Variants in BRWD1 observed in about 807,000 individuals in gnomAD.
The protein encoded by BRWD1 is bromodomain and WD repeat domain containing 1.
A neutral mutation model predicts 251.2 loss-of-function variants in BRWD1; 82 were observed. That is an observed-to-expected ratio of 0.33 (90% CI 0.27 to 0.39). BRWD1 has a LOEUF of 0.39. BRWD1 is among the 10% of genes least tolerant of loss of function. The pLI, the probability that BRWD1 is intolerant of heterozygous loss-of-function variation, is 1.00. For synonymous variants in BRWD1, 918 were observed against 902.8 expected (o/e 1.02, Z -0.30); for missense variants, 2,233 against 2,711.6 (o/e 0.82, Z 3.92).
chr21:39,296,003 GT>G (rs2035952564), intron 6 of BRWD1, 100 bp from the exon 7 acceptor site: 10 of 1,045,824 alleles, frequency 9.6e-6, no homozygotes, highest in East Asian at 5.6e-5. Context: ...AAAAATCTAT[GT>G]TCAAGAAGCC....
Position 39,194,597 on chromosome 21 carries a change from T to C in BRWD1, c.*1662A>G. 1 of 1,490,912 alleles carries C rather than the reference T, an allele frequency of 6.7e-7. No individual in the cohort carries two copies. The highest frequency in any genetic ancestry group is 8.9e-7 in the Non-Finnish European group (1 of 1,124,816). 92.4% of individuals were successfully genotyped at this position (1,490,912 alleles called of 1,614,324 possible). ...TAATGTCCAAAAACATCCTTCCCCA[T>C]GCATCAGAGTAGAAAGAAAATGTAC... is the stretch of plus-strand genomic sequence containing the variant. On this transcript the variant is annotated 3_prime_UTR_variant, in exon 41 of 41. Transcript: ENST00000342449.
intron 8 of BRWD1, among the ~76,000 whole-genome samples, chr21:39,281,926 A>G (rs942638138): frequency 2.7e-5 from 2 of 74,382 alleles, no homozygotes; most frequent in African/African-American, 5.0e-5. Flanking sequence ...ATATACGTAT[A>G]CATACATATA....
At position 39,187,819 on chromosome 21, in the gene BRWD1, C is replaced by G; in HGVS notation, c.*8440G>C. On this transcript the variant is annotated 3_prime_UTR_variant, in exon 41 of 41. Coordinates refer to ENST00000342449, the MANE Select transcript of BRWD1 (RefSeq NM_033656.4). ...CAGATTAAAATTCTAAAAAATAACA[C>G]AGAGTTGCTTTAAGGAACCAAAAAG... 3 of 985,234 alleles carry G rather than the reference C, an allele frequency of 3.0e-6. No homozygotes were observed. The highest frequency in any genetic ancestry group is 3.6e-6 in the Non-Finnish European group (3 of 829,868). 61.0% of individuals were successfully genotyped at this position (985,234 alleles called of 1,614,324 possible).
chr21:39,315,092 G>T (rs565270840), upstream of BRWD1: 4 of 152,234 alleles, frequency 2.6e-5, no homozygotes, highest in African/African-American at 9.6e-5. Context: ...TGCCTCCCGG[G>T]TTCCAGCGAT....
At position 39,280,140 on chromosome 21, in the gene BRWD1, C is replaced by A; in HGVS notation, c.932+8G>T. On this transcript the variant is annotated splice_region_variant and intron_variant, in intron 9 of 40. Transcript: ENST00000342449. ...AACAAAACCTGTTACATAATTAAAG[C>A]CACTTACCTAAATTTTAAGGATTCT... 1 of 1,574,712 alleles carries A rather than the reference C, an allele frequency of 6.4e-7. No homozygotes were observed. Among genetic ancestry groups the A allele is most frequent in the Middle Eastern group, 1.7e-4 (1 of 5,950 alleles).
rs530803465 is a variant in BRWD1, at chr21:39,297,258, G to A, written c.350-895C>T. On this transcript the variant is annotated intron_variant, in intron 5 of 40. Transcript: ENST00000342449. ...TCATACTAAACCTCTACTGAGCCTCGGGTGCCCCAAACTAACAGACATATT... is the reference window on the plus strand; with the variant it reads ...TCATACTAAACCTCTACTGAGCCTCAGGTGCCCCAAACTAACAGACATATT... 9 of 985,370 alleles carry A rather than the reference G, an allele frequency of 9.1e-6. No individual in the cohort carries two copies. In the Admixed American group the frequency reaches 1.8e-4, roughly 20 times the overall value. The allele number at this position is 985,370 out of a possible 1,614,324, so 61.0% of individuals were successfully genotyped here.
chr21:39,320,667 CTTTTT>C (rs35218849), intron 1 of BRWD1, among the ~76,000 whole-genome samples: 2 of 99,170 alleles, frequency 2.0e-5, no homozygotes, highest in Non-Finnish European at 3.9e-5. Flanking sequence ...AGAGTCATAT[CTTTTT>C]TTTTTTTTTT....
Position 39,213,482 on chromosome 21 carries a change from A to C in BRWD1, c.3857T>G (p.Leu1286Trp). 1.2e-6 allele frequency: 2 copies of C among 1,609,916 alleles called. No homozygotes were observed. Among genetic ancestry groups the C allele is most frequent in the Non-Finnish European group, 1.7e-6 (2 of 1,178,026 alleles). The change falls in exon 33 of 41, where the codon TTG becomes TGG. Residue 1286 changes from leucine to tryptophan, a missense_variant and splice_region_variant. By Grantham distance (61) the Leu-to-Trp change is moderately conservative. Around this residue, in one of 12 missense-constraint regions of BRWD1, gnomAD observed 167 missense variants for 183.2 expected, o/e 0.91. Transcript: ENST00000342449. ...TTATAAAATCAACAAACTTCATACCAAATCCTCAGCATTTTGCTCATCATT... is the reference window on the plus strand; with the variant it reads ...TTATAAAATCAACAAACTTCATACCCAATCCTCAGCATTTTGCTCATCATT... Reference protein sequence around the residue: ...SENDEQNAEDLDDSDLPKTSS... With the variant: ...SENDEQNAEDWDDSDLPKTSS...
intron 40 of BRWD1, among the ~76,000 whole-genome samples, chr21:39,198,134 T>C (rs1011863030): frequency 6.6e-6 from 1 of 152,226 alleles, no homozygotes; most frequent in East Asian, 1.9e-4. Context: ...ATCTTAGTTT[T>C]AGCTGTCTTC....
chr21:39,189,998 T>G lies in BRWD1; in HGVS notation c.*6261A>C. 1 of 985,396 alleles carries G rather than the reference T, an allele frequency of 1.0e-6. No individual in the cohort carries two copies. Among genetic ancestry groups the G allele is most frequent in the South Asian group, 4.7e-5 (1 of 21,286 alleles). The allele number at this position is 985,396 out of a possible 1,614,324, so 61.0% of individuals were successfully genotyped here. A position where few individuals can be genotyped will look rare whatever the true frequency, so the allele number is the denominator to read the frequency against. ...GCTTGAGGACTTGTTTTCCTGGAAG[T>G]GATTCCCTACTTGGGTATGGCAAGA... On this transcript the variant is annotated 3_prime_UTR_variant, in exon 41 of 41. Coordinates refer to ENST00000342449, the MANE Select transcript of BRWD1 (RefSeq NM_033656.4).
rs2031485559 is a variant in BRWD1 at position 39,190,301 on chromosome 21, T to A, written c.*5958A>T. On this transcript the variant is annotated 3_prime_UTR_variant, in exon 41 of 41. Coordinates refer to ENST00000342449, the MANE Select transcript of BRWD1 (RefSeq NM_033656.4). ...ATTTCATCATACAAAACTGTTTTCC[T>A]AAATTCAAAGTAAACTGCATATGGT... 2 of 984,968 alleles carry A rather than the reference T, an allele frequency of 2.0e-6. No individual in the cohort carries two copies. Among genetic ancestry groups the A allele is most frequent in the African/African-American group, 3.5e-5 (2 of 57,220 alleles). 61.0% of individuals were successfully genotyped at this position (984,968 alleles called of 1,614,324 possible).
chr21:39,270,092 A>T, intron 14 of BRWD1, 59 bp from the exon 15 acceptor site: 1 of 1,397,998 alleles, frequency 7.2e-7, no homozygotes, highest in Non-Finnish European at 9.5e-7. Flanking sequence ...TTGAAAATTT[A>T]AAAATACATA....
At position 39,192,952 on chromosome 21, in the gene BRWD1, A is replaced by C. The variant is rs2031628991; in HGVS notation, c.*3307T>G. On this transcript the variant is annotated 3_prime_UTR_variant, in exon 41 of 41. Transcript: ENST00000342449. ...CTACAAAAAAAAAAGTCTAGAAGAC[A>C]GAGGGAATGTAGTGTGCACCCCTTA... 2 of 984,478 alleles carry C rather than the reference A, an allele frequency of 2.0e-6. No individual in the cohort carries two copies. The highest frequency in any genetic ancestry group is 6.2e-5 in the Admixed American group (1 of 16,202). The allele number at this position is 984,478 out of a possible 1,614,324, so 61.0% of individuals were successfully genotyped here. A position where few individuals can be genotyped will look rare whatever the true frequency, so the allele number is the denominator to read the frequency against.
Position 39,218,167 on chromosome 21 carries a change from A to G in BRWD1, c.3644T>C (p.Val1215Ala), listed in dbSNP as rs767256109. The G allele has an allele frequency of 2.5e-6, 4 of 1,606,758 alleles. No homozygotes were observed. The East Asian group carries it at 9.0e-5, about 36-fold the overall frequency. ...TTCTACTAACCTGTAAAATCGATTA[A>G]CAAGTCTCATTCGAATTGTGTAAAG... ...TDLYTIRMRLVNRFYRRLSAL... is the reference protein window; with the variant it reads ...TDLYTIRMRLANRFYRRLSAL... The change falls in exon 31 of 41, where the codon GTT (valine) becomes GCT (alanine). Residue 1215 changes from valine to alanine, a missense_variant. Physicochemically the swap from Val to Ala is moderately conservative, Grantham distance 64. Coordinates refer to ENST00000342449, the MANE Select transcript of BRWD1 (RefSeq NM_033656.4).
At chr21:39,239,274 G>A (rs889734744) in intron 21 of BRWD1, among the ~76,000 whole-genome samples, 3 of 151,986 alleles carry the variant, frequency 2.0e-5, no homozygotes, top group African/African-American at 7.2e-5. Context: ...TGGACACATA[G>A]ATTTTGCCCT....
chr21:39,200,142 A>C (rs2032036002), intron 39 of BRWD1, 77 bp downstream of exon 39: 3 of 1,347,784 alleles, frequency 2.2e-6, no homozygotes, highest in Non-Finnish European at 3.1e-6. Flanking sequence ...AGATGCATTA[A>C]ATCGAGAATC....
chr21:39,247,794 C>T lies in BRWD1; in HGVS notation c.2388G>A (p.Arg796=), dbSNP rs1439048680. Residue 796 remains arginine (R), a synonymous_variant, in exon 21 of 41, where the codon AGG becomes AGA. Coordinates refer to ENST00000342449, the MANE Select transcript of BRWD1 (RefSeq NM_033656.4). ...SVVLVSQSRQ[R]TCRRKYPNYG... is the part of the protein sequence containing the mutation. ...AATTTGGATATTTACGCCTACATGT[C>T]CTTTGTCTAGACTGTGATACCAAAA... The T allele has an allele frequency of 6.2e-6, 10 of 1,612,888 alleles. No homozygotes were observed. The highest frequency in any genetic ancestry group is 1.3e-5 in the African/African-American group (1 of 74,868).
intron 15 of BRWD1, 94 bp from the exon 16 acceptor site, chr21:39,265,113 T>C: frequency 5.3e-6 from 6 of 1,130,332 alleles, no homozygotes; most frequent in South Asian, 3.6e-5. Flanking sequence ...TGACAATATA[T>C]CCCTTCTGAA....
chr21:39,314,082 C>T (rs1020972987), upstream of BRWD1: 2 of 456,056 alleles, frequency 4.4e-6, no homozygotes, highest in African/African-American at 2.0e-5. Context: ...TCGGAAGGGT[C>T]ATTTCACGGA....
Sources: gnomAD v4.1 joint callset for allele counts (sites outside exome capture counted in the v4.1 genomes callset) on GRCh38, gnomAD v4.1.1 for gene constraint, gnomAD v4.1.1 regional missense constraint, MANE v1.5 for transcripts, NCBI Gene and HGNC (gene_info 2026-07-23, HGNC 2026-07-21) for gene names.